DCTN5: variants seen among roughly 807,000 people sequenced by gnomAD.
The protein encoded by DCTN5 is dynactin 4.
In DCTN5, 14 loss-of-function variants were observed where a neutral mutation model predicts 23.5. The ratio of observed to expected loss-of-function variants is 0.60; its 90% CI spans 0.39 to 0.93. DCTN5 has a LOEUF of 0.93. DCTN5 is among the 40% of genes least tolerant of loss of function. The probability of loss-of-function intolerance (pLI) is 0.00; values close to 1 mark genes in which losing one functional copy is unlikely to be tolerated. For missense variants in DCTN5, 156 were observed against 225.9 expected (o/e 0.69, Z 1.98); for synonymous variants, 67 against 79.6 (o/e 0.84, Z 0.84).
In DCTN5 at chr16:23,665,690, CTG is replaced by C; in HGVS notation, c.416_417del (p.Val139GlyfsTer28). Reference sequence around the variant, plus strand: ...GACAACACAGTATTACCTCCAGAAACTGTGGTTCCACCATTCACTGTCTTCTC... The same window carrying C: ...GACAACACAGTATTACCTCCAGAAACTGGTTCCACCATTCACTGTCTTCTC... On this transcript the variant is annotated frameshift_variant, in exon 5 of 6. Transcript: ENST00000300087. LOFTEE classifies it high-confidence loss of function. 1 of 1,614,160 alleles carries C rather than the reference CTG, an allele frequency of 6.2e-7. No individual in the cohort carries two copies. Among genetic ancestry groups the C allele is most frequent in the Admixed American group, 1.7e-5 (1 of 60,016 alleles).
Position 23,672,042 on chromosome 16 carries a change from A to C in DCTN5, c.*4898A>C, listed in dbSNP as rs1479927122. On this transcript the variant is annotated 3_prime_UTR_variant, in exon 6 of 6. Coordinates refer to ENST00000300087, the MANE Select transcript of DCTN5 (RefSeq NM_032486.4). ...GTGCCATTTCAGCTGCATTCATCTC[A>C]GTTGGTGTTGTCTGCTGGCTGCTCT... The C allele has an allele frequency of 6.6e-6, 1 of 152,010 alleles. No homozygotes were observed. Among genetic ancestry groups the C allele is most frequent in the Non-Finnish European group, 1.5e-5 (1 of 68,034 alleles). The allele number at this position is 152,010 out of a possible 1,614,324, so 9.4% of individuals were successfully genotyped here.
intron 3 of DCTN5, among the ~76,000 whole-genome samples, chr16:23,660,021 A>C (rs74012307): frequency 6.6e-6 from 1 of 152,204 alleles, no homozygotes; most frequent in African/African-American, 2.4e-5. Context: ...ATAGCAAAAC[A>C]TGAATAGAAG....
chr16:23,644,596 G>T (rs1462512705), intron 2 of DCTN5, among the ~76,000 whole-genome samples: 1 of 150,766 alleles, frequency 6.6e-6, no homozygotes, highest in Non-Finnish European at 1.5e-5. Context: ...CACCGCGCCT[G>T]GCCTAATTTT....
intron 2 of DCTN5, among the ~76,000 whole-genome samples, chr16:23,655,717 G>A (rs975987072): frequency 1.3e-5 from 2 of 151,936 alleles, no homozygotes; most frequent in African/African-American, 4.8e-5. Flanking sequence ...GCTAATTTTT[G>A]TATTTTTTGC....
rs1469836553 is a variant in DCTN5 at position 23,668,317 on chromosome 16, T to C, written c.*1173T>C. On this transcript the variant is annotated 3_prime_UTR_variant, in exon 6 of 6. Transcript: ENST00000300087. ...CCTGACTTAATATCCAGTTGTGGGGTTTGCAAAACAAAACAGCTGTATGTA... is the reference window on the plus strand; with the variant it reads ...CCTGACTTAATATCCAGTTGTGGGGCTTGCAAAACAAAACAGCTGTATGTA... 1.3e-5 allele frequency: 2 copies of C among 152,160 alleles called. No homozygotes were observed. The highest frequency in any genetic ancestry group is 4.8e-5 in the African/African-American group (2 of 41,410). 9.4% of individuals were successfully genotyped at this position (152,160 alleles called of 1,614,324 possible).
In DCTN5 at chr16:23,670,390, A is replaced by G. The variant is rs1967984298; in HGVS notation, c.*3246A>G. ...CACTGATACATCTGGCAGACTTGAA[A>G]TTAATCAGACAAACATTGTTCATAG... On this transcript the variant is annotated 3_prime_UTR_variant, in exon 6 of 6. Transcript: ENST00000300087. 1 of 152,190 alleles carries G rather than the reference A, an allele frequency of 6.6e-6. No individual in the cohort carries two copies. Among genetic ancestry groups the G allele is most frequent in the Non-Finnish European group, 1.5e-5 (1 of 68,050 alleles). The allele number at this position is 152,190 out of a possible 1,614,324, so 9.4% of individuals were successfully genotyped here.
At chr16:23,653,168 G>A (rs1967636676) in intron 2 of DCTN5, among the ~76,000 whole-genome samples, 1 of 152,190 alleles carries the variant, frequency 6.6e-6, no homozygotes, top group Non-Finnish European at 1.5e-5. Flanking sequence ...TAAAAAATCA[G>A]TGTAATTGGG....
chr16:23,675,920 T>C lies in DCTN5; in HGVS notation c.*8776T>C, dbSNP rs978221680. 2.0e-5 allele frequency: 3 copies of C among 152,264 alleles called. No homozygotes were observed. The South Asian group carries it at 6.2e-4, about 32-fold the overall frequency. The allele number at this position is 152,264 out of a possible 1,614,324, so 9.4% of individuals were successfully genotyped here. ...GCAGTCCCTTGGAAGCCAAGGACTC[T>C]GGGAACTTTTCAGATGGGACTGGAA... is the stretch of plus-strand genomic sequence containing the variant. On this transcript the variant is annotated 3_prime_UTR_variant, in exon 6 of 6. Coordinates refer to ENST00000300087, the MANE Select transcript of DCTN5 (RefSeq NM_032486.4).
Position 23,673,805 on chromosome 16 carries a change from C to T in DCTN5, c.*6661C>T, listed in dbSNP as rs1396023848. On this transcript the variant is annotated 3_prime_UTR_variant, in exon 6 of 6. Transcript: ENST00000300087. ...CTGTGATTCGTGCTTACTGGAGCCTCGGGAAAGAGGGAGACAACATGTAAA... is the reference window on the plus strand; with the variant it reads ...CTGTGATTCGTGCTTACTGGAGCCTTGGGAAAGAGGGAGACAACATGTAAA... The T allele has an allele frequency of 3.3e-5, 5 of 152,062 alleles. No individual in the cohort carries two copies. Among genetic ancestry groups the T allele is most frequent in the African/African-American group, 9.7e-5 (4 of 41,402 alleles). 9.4% of individuals were successfully genotyped at this position (152,062 alleles called of 1,614,324 possible).
chr16:23,655,030 T>A (rs1383671236), intron 2 of DCTN5, among the ~76,000 whole-genome samples: 2 of 152,230 alleles, frequency 1.3e-5, no homozygotes, highest in Non-Finnish European at 2.9e-5. Context: ...ATATACCACA[T>A]TTTCTTTATC....
intron 2 of DCTN5, among the ~76,000 whole-genome samples, chr16:23,658,006 G>A (rs1173856869): frequency 6.6e-6 from 1 of 152,160 alleles, no homozygotes; most frequent in East Asian, 1.9e-4. Flanking sequence ...GGGAAGCCAC[G>A]CCTTACACTT....
At chr16:23,645,589 A>G (rs560830430) in intron 2 of DCTN5, among the ~76,000 whole-genome samples, 1 of 152,168 alleles carries the variant, frequency 6.6e-6, no homozygotes, top group Non-Finnish European at 1.5e-5. Context: ...TGATAGCCTG[A>G]ATCTACTTTC....
chr16:23,648,481 C>A (rs996642569), intron 2 of DCTN5, among the ~76,000 whole-genome samples: 3 of 151,470 alleles, frequency 2.0e-5, no homozygotes, highest in Non-Finnish European at 4.4e-5. Context: ...TCCTGAATAG[C>A]TGGGATTACA....
chr16:23,649,087 T>G (rs1265335515), intron 2 of DCTN5, among the ~76,000 whole-genome samples: 3 of 152,172 alleles, frequency 2.0e-5, no homozygotes, highest in African/African-American at 7.2e-5. Flanking sequence ...CTCGAACTCC[T>G]GACCTCAAGT....
chr16:23,644,794 T>TA (rs1205623210), intron 2 of DCTN5, among the ~76,000 whole-genome samples: 14 of 151,498 alleles, frequency 9.2e-5, no homozygotes, highest in African/African-American at 3.1e-4. Context: ...AACAATTTTT[T>TA]AAAAATTTTT....
At chr16:23,657,394 T>C in intron 2 of DCTN5, 1 of 340,080 alleles carries the variant, frequency 2.9e-6, no homozygotes, top group Non-Finnish European at 5.8e-6. Context: ...AGCTCAAGGT[T>C]GCAGTGAGCT....
chr16:23,649,735 G>A (rs1967557284), intron 2 of DCTN5, among the ~76,000 whole-genome samples: 1 of 151,674 alleles, frequency 6.6e-6, no homozygotes, highest in Non-Finnish European at 1.5e-5. Flanking sequence ...CTACTCAGGA[G>A]GCTGAGGCAT....
At chr16:23,656,104 T>A (rs1368512763) in intron 2 of DCTN5, among the ~76,000 whole-genome samples, 2 of 152,148 alleles carry the variant, frequency 1.3e-5, no homozygotes, top group African/African-American at 4.8e-5. Context: ...GGCATGCACC[T>A]GTAGTCCCAG....
rs1171027841 is a variant in DCTN5 at position 23,673,140 on chromosome 16, A to C, written c.*5996A>C. 2.0e-5 allele frequency: 3 copies of C among 151,996 alleles called. No individual in the cohort carries two copies. The highest frequency in any genetic ancestry group is 4.4e-5 in the Non-Finnish European group (3 of 68,008). 9.4% of individuals were successfully genotyped at this position (151,996 alleles called of 1,614,324 possible). ...GAGACTCCGTCTCAAAAAAAAAAAA[A>C]AAAACCACAACAACAACAACAAAAA... On this transcript the variant is annotated 3_prime_UTR_variant, in exon 6 of 6. Transcript: ENST00000300087.
Sources: allele counts gnomAD v4.1 joint callset (sites outside exome capture counted in the v4.1 genomes callset), GRCh38; gene constraint gnomAD v4.1.1; transcripts MANE v1.5; gene names NCBI Gene and HGNC (gene_info 2026-07-23, HGNC 2026-07-21).